KLHL4: variants seen among roughly 807,000 people sequenced by gnomAD.
The protein encoded by KLHL4 is kelch like family member 4.
In KLHL4, 17 loss-of-function variants were observed where a neutral mutation model predicts 45.8. That is an observed-to-expected ratio of 0.37 (90% CI 0.25 to 0.56). KLHL4 has a LOEUF of 0.56. KLHL4 is among the 20% of genes least tolerant of loss of function. The pLI, the probability that KLHL4 is intolerant of heterozygous loss-of-function variation, is 0.79. For missense variants in KLHL4, 544 were observed against 544.9 expected, an observed-to-expected ratio of 1.00 and a Z score of 0.02; for synonymous variants, 224 against 189.9, an observed-to-expected ratio of 1.18 and a Z score of -1.47.
At position 87,524,512 on chromosome X, in the gene KLHL4, C is replaced by A. The variant is rs57755452; in HGVS notation, c.422+6197C>A. 8.6e-3 allele frequency among the ~76,000 whole-genome samples: 962 copies of A among 111,278 alleles called. 12 individuals are homozygous for A. Among genetic ancestry groups the A allele is most frequent in the African/African-American group, 0.03 (907 of 30,629 alleles). ...CCTCCCCCATCCCCATCATTCCAAT[C>A]TAATCATAAGAAAAACATCAGAGAA... On this transcript the variant is annotated intron_variant, in intron 1 of 10. Coordinates refer to ENST00000373119, the MANE Select transcript of KLHL4 (RefSeq NM_019117.5).
chrX:87,522,512 GC>G (rs1931022276), intron 1 of KLHL4, among the ~76,000 whole-genome samples: 1 of 111,599 alleles, frequency 9.0e-6, no homozygotes, highest in Non-Finnish European at 1.9e-5. Context: ...TAATGTTGTT[GC>G]CTGTCTTCTT....
In KLHL4 at chrX:87,667,722, A is replaced by T. The variant is rs1318024554; in HGVS notation, c.*1188A>T. 2 of 683,979 alleles carry T rather than the reference A, an allele frequency of 2.9e-6. No homozygotes were observed. The highest frequency in any genetic ancestry group is 4.8e-5 in the African/African-American group (2 of 41,991). The allele number at this position is 683,979 out of a possible 1,213,427, so 56.4% of individuals were successfully genotyped here. Reference sequence around the variant, plus strand: ...ATGAAATATTGAAAAACCCTTTGTGAAAGTAACTTTTCAAGTAAATGCACA... The same window carrying T: ...ATGAAATATTGAAAAACCCTTTGTGTAAGTAACTTTTCAAGTAAATGCACA... On this transcript the variant is annotated 3_prime_UTR_variant, in exon 11 of 11. Transcript: ENST00000373119.
rs1924434674 is a variant in KLHL4, at chrX:87,668,151, A to C, written c.*1617A>C. ...TAGAGAGGCTGTGAAACACACATAC[A>C]GCCCTGTTAGGTCTTTTGAATTCAC... On this transcript the variant is annotated 3_prime_UTR_variant, in exon 11 of 11. Coordinates refer to ENST00000373119, the MANE Select transcript of KLHL4 (RefSeq NM_019117.5). The C allele has an allele frequency of 1.3e-6, 1 of 748,487 alleles. No individual in the cohort carries two copies. Among genetic ancestry groups the C allele is most frequent in the Admixed American group, 8.7e-5 (1 of 11,437 alleles). The allele number at this position is 748,487 out of a possible 1,213,427, so 61.7% of individuals were successfully genotyped here. A position where few individuals can be genotyped will look rare whatever the true frequency, so the allele number is the denominator to read the frequency against.
intron 2 of KLHL4, 73 bp from the exon 3 acceptor site, chrX:87,614,361 G>T: frequency 1.0e-6 from 1 of 1,003,854 alleles, no homozygotes; most frequent in Non-Finnish European, 1.4e-6. Flanking sequence ...TTACAAACTT[G>T]CTGAATCCAT....
At chrX:87,596,075 C>T (rs1312400473) in intron 1 of KLHL4, among the ~76,000 whole-genome samples, 1 of 111,114 alleles carries the variant, frequency 9.0e-6, no homozygotes, top group Non-Finnish European at 1.9e-5. Flanking sequence ...CCCCCTCTTA[C>T]TCTTGCTCCT....
intron 1 of KLHL4, among the ~76,000 whole-genome samples, chrX:87,539,906 G>A (rs1043125786): frequency 3.6e-5 from 4 of 110,855 alleles, no homozygotes; most frequent in African/African-American, 6.6e-5. Context: ...TTTTGTCTTC[G>A]TCTGAACATC....
chrX:87,657,747 G>A (rs1368703126), intron 9 of KLHL4, among the ~76,000 whole-genome samples: 1 of 111,507 alleles, frequency 9.0e-6, no homozygotes, highest in African/African-American at 3.3e-5. Flanking sequence ...CAGGGAATGT[G>A]CTGGGTTGTG....
intron 1 of KLHL4, among the ~76,000 whole-genome samples, chrX:87,591,748 A>T (rs1174237697): frequency 8.9e-6 from 1 of 111,889 alleles, no homozygotes; most frequent in East Asian, 2.8e-4. Context: ...ATTAGGTGGG[A>T]TATTTACAGG....
chrX:87,638,447 G>C (rs1480255079), intron 9 of KLHL4, among the ~76,000 whole-genome samples: 6 of 111,617 alleles, frequency 5.4e-5, no homozygotes, highest in Non-Finnish European at 7.5e-5. Context: ...TGAGGGAAAA[G>C]CACCAGGTAA....
At chrX:87,550,424 C>T (rs192479622) in intron 1 of KLHL4, among the ~76,000 whole-genome samples, 51 of 111,067 alleles carry the variant, frequency 4.6e-4, no homozygotes, top group African/African-American at 1.6e-3. Flanking sequence ...TTTTACCAGA[C>T]ATTCAAAGAA....
chrX:87,593,836 T>G (rs1921753783), intron 1 of KLHL4, among the ~76,000 whole-genome samples: 1 of 111,461 alleles, frequency 9.0e-6, no homozygotes, highest in Non-Finnish European at 1.9e-5. Context: ...TGGGCTACGA[T>G]CTTCACAGCC....
At chrX:87,609,122 G>A (rs1922290688) in intron 1 of KLHL4, among the ~76,000 whole-genome samples, 3 of 111,812 alleles carry the variant, frequency 2.7e-5, no homozygotes, top group Admixed American at 9.5e-5. Context: ...GTATTCCATG[G>A]TGTATATGTG....
At chrX:87,567,154 G>A (rs988911021) in intron 1 of KLHL4, among the ~76,000 whole-genome samples, 1 of 111,149 alleles carries the variant, frequency 9.0e-6, no homozygotes, top group Admixed American at 9.6e-5. Flanking sequence ...CCTATGCCTG[G>A]CAAAGGATAT....
chrX:87,562,242 A>G (rs988546415), intron 1 of KLHL4, among the ~76,000 whole-genome samples: 3 of 110,729 alleles, frequency 2.7e-5, no homozygotes, highest in African/African-American at 9.8e-5. Flanking sequence ...GAGAGGGAAG[A>G]GTAAAAAGGA....
intron 4 of KLHL4, 130 bp downstream of exon 4, chrX:87,618,258 T>TACGGCGACCAC: frequency 2.1e-6 from 1 of 481,325 alleles, no homozygotes; most frequent in Admixed American, 4.8e-5. Context: ...AAAACATTTG[T>TACGGCGACCAC]CTGGTTGAGC....
At chrX:87,607,625 T>A (rs2147809838) in intron 1 of KLHL4, among the ~76,000 whole-genome samples, 1 of 112,123 alleles carries the variant, frequency 8.9e-6, no homozygotes, top group East Asian at 2.8e-4. Context: ...GATAGTCTAA[T>A]TTTAAACATT....
chrX:87,608,835 A>C (rs917593065), intron 1 of KLHL4, among the ~76,000 whole-genome samples: 1 of 111,038 alleles, frequency 9.0e-6, no homozygotes, highest in Non-Finnish European at 1.9e-5. Flanking sequence ...ATATGTATAC[A>C]TGTGCCATGC....
At chrX:87,551,587 G>GTAGATAGATAGATAGATAGATAGATAGA (rs780160650) in intron 1 of KLHL4, among the ~76,000 whole-genome samples, 34 of 107,520 alleles carry the variant, frequency 3.2e-4, no homozygotes, top group African/African-American at 1.1e-3. Flanking sequence ...AAATAGATAG[G>GTAGATAGATAGATAGATAGATAGATAGA]TAGATAGATA....
At chrX:87,596,814 C>A (rs1028176116) in intron 1 of KLHL4, among the ~76,000 whole-genome samples, 5 of 112,341 alleles carry the variant, frequency 4.5e-5, no homozygotes, top group Non-Finnish European at 3.8e-5. Context: ...CTTGGGCAAC[C>A]ATCCAAATTC....
Sources: allele counts gnomAD v4.1 joint callset (sites outside exome capture counted in the v4.1 genomes callset), GRCh38; gene constraint gnomAD v4.1.1; transcripts MANE v1.5; gene names NCBI Gene and HGNC (gene_info 2026-07-23, HGNC 2026-07-21).